SH3RF3: variants seen among roughly 807,000 people sequenced by gnomAD.
SH3RF3 encodes SH3 domain containing ring finger 3.
SH3RF3 carries 29 observed loss-of-function variants against 66.3 expected under a neutral mutation model. That is an observed-to-expected ratio of 0.44 (90% CI 0.33 to 0.60). The LOEUF (loss-of-function observed/expected upper bound fraction) is 0.60, where lower values mean the gene tolerates loss of function less well. Ranked by LOEUF, SH3RF3 falls within the 20% of genes least tolerant of loss-of-function variation. SH3RF3 has a pLI of 0.04. For synonymous variants in SH3RF3, 583 were observed against 532.0 expected, an observed-to-expected ratio of 1.10 and a Z score of -1.32; for missense variants, 1,194 against 1,190.9, an observed-to-expected ratio of 1.00 and a Z score of -0.04.
chr2:109,181,735 C>T (rs1034614123), intron 1 of SH3RF3, among the ~76,000 whole-genome samples: 3 of 152,174 alleles, frequency 2.0e-5, no homozygotes, highest in Admixed American at 6.5e-5. Flanking sequence ...CTTCTCCAGC[C>T]ATGGTAGTGG....
intron 1 of SH3RF3, among the ~76,000 whole-genome samples, chr2:109,188,617 T>C (rs752913902): frequency 6.6e-6 from 1 of 152,086 alleles, no homozygotes; most frequent in Non-Finnish European, 1.5e-5. Context: ...TTGCCTATGG[T>C]GAGGGTGCAG....
chr2:109,484,049 T>G (rs1678903027), intron 8 of SH3RF3, among the ~76,000 whole-genome samples: 1 of 147,072 alleles, frequency 6.8e-6, no homozygotes, highest in African/African-American at 2.5e-5. Context: ...CACCAAGGTG[T>G]GCCATCCTCT....
At chr2:109,191,677 G>A (rs961919944) in intron 1 of SH3RF3, among the ~76,000 whole-genome samples, 1 of 152,156 alleles carries the variant, frequency 6.6e-6, no homozygotes, top group Non-Finnish European at 1.5e-5. Context: ...CAGTATAGCT[G>A]GGTGGTGTGA....
chr2:109,215,154 T>TTC (rs752904795), intron 1 of SH3RF3, among the ~76,000 whole-genome samples: 6 of 152,180 alleles, frequency 3.9e-5, no homozygotes, highest in Non-Finnish European at 8.8e-5. Context: ...CTTTCTGTGT[T>TTC]TCTCTCTCTC....
chr2:109,261,272 G>A (rs147856262), intron 1 of SH3RF3, among the ~76,000 whole-genome samples: 1 of 152,300 alleles, frequency 6.6e-6, no homozygotes, highest in African/African-American at 2.4e-5. Context: ...AAGCAATGAT[G>A]TGGAGGTGAT....
chr2:109,227,407 C>G (rs1433851200), intron 1 of SH3RF3, among the ~76,000 whole-genome samples: 1 of 152,174 alleles, frequency 6.6e-6, no homozygotes, highest in Non-Finnish European at 1.5e-5. Flanking sequence ...ACCAGCTGTT[C>G]TTCTTACTAA....
At chr2:109,194,264 C>G (rs1464912658) in intron 1 of SH3RF3, among the ~76,000 whole-genome samples, 2 of 152,310 alleles carry the variant, frequency 1.3e-5, no homozygotes, top group East Asian at 3.9e-4. Flanking sequence ...CAGGTGGATT[C>G]GTAACACAGA....
chr2:109,329,784 C>T (rs1272714626), intron 1 of SH3RF3, among the ~76,000 whole-genome samples: 2 of 152,154 alleles, frequency 1.3e-5, no homozygotes, highest in African/African-American at 4.8e-5. Context: ...TTACATAGGC[C>T]CAGCCTCACT....
intron 6 of SH3RF3, among the ~76,000 whole-genome samples, chr2:109,435,011 T>A (rs2104579284): frequency 6.6e-6 from 1 of 152,210 alleles, no homozygotes; most frequent in South Asian, 2.1e-4. Flanking sequence ...GCTGTGCACC[T>A]CATGGTTGCT....
intron 1 of SH3RF3, among the ~76,000 whole-genome samples, chr2:109,341,638 C>T (rs527475419): frequency 7.6e-4 from 116 of 152,286 alleles, no homozygotes; most frequent in Admixed American, 1.2e-3. Context: ...GGGGTGTGTT[C>T]TGCAAGGTCA....
intron 1 of SH3RF3, among the ~76,000 whole-genome samples, chr2:109,165,569 CA>C (rs1677600594): frequency 6.6e-6 from 1 of 152,150 alleles, no homozygotes; most frequent in African/African-American, 2.4e-5. Context: ...ACTGTGTGGC[CA>C]GCAAAACCCA....
In SH3RF3 at chr2:109,240,492, A is replaced by G. The variant is rs530825329; in HGVS notation, c.574-107182A>G. ...GACAAACAAAAAAACAAACAAACAA[A>G]ATACAAACAACAAAAACTAAAACCA... On this transcript the variant is annotated intron_variant, in intron 1 of 9. Coordinates refer to ENST00000309415, the MANE Select transcript of SH3RF3 (RefSeq NM_001099289.3). Among the ~76,000 whole-genome samples, 52 of 152,214 alleles carry G rather than the reference A, an allele frequency of 3.4e-4. 1 individual carries two copies. In the South Asian group the frequency reaches 0.011, roughly 32 times the overall value.
intron 1 of SH3RF3, among the ~76,000 whole-genome samples, chr2:109,246,359 G>C (rs1016558138): frequency 3.3e-5 from 5 of 152,186 alleles, no homozygotes; most frequent in South Asian, 2.1e-4. Context: ...CCATGGTAGA[G>C]GGGGCAAGGC....
At chr2:109,156,645 C>G (rs946018866) in intron 1 of SH3RF3, among the ~76,000 whole-genome samples, 1 of 152,108 alleles carries the variant, frequency 6.6e-6, no homozygotes, top group Non-Finnish European at 1.5e-5. Flanking sequence ...GGGGTTTCAC[C>G]ATGTTGGCCA....
At chr2:109,459,828 C>T (rs1272441677) in intron 8 of SH3RF3, among the ~76,000 whole-genome samples, 2 of 152,268 alleles carry the variant, frequency 1.3e-5, no homozygotes, top group South Asian at 2.1e-4. Context: ...AGACATTTTG[C>T]TAGTGGGTTA....
At chr2:109,459,543 C>T (rs1461374879) in intron 8 of SH3RF3, among the ~76,000 whole-genome samples, 2 of 152,136 alleles carry the variant, frequency 1.3e-5, no homozygotes, top group African/African-American at 4.8e-5. Context: ...AGGAGACACC[C>T]CAAGGGATCT....
intron 8 of SH3RF3, among the ~76,000 whole-genome samples, chr2:109,452,432 CAGTG>C (rs752983918): frequency 5.3e-5 from 8 of 152,350 alleles, no homozygotes; most frequent in Non-Finnish European, 1.0e-4. Context: ...TGGGAAAAGA[CAGTG>C]AGCTCCTCAC....
intron 1 of SH3RF3, among the ~76,000 whole-genome samples, chr2:109,268,638 A>G (rs1680556095): frequency 6.6e-6 from 1 of 152,228 alleles, no homozygotes; most frequent in Admixed American, 6.5e-5. Flanking sequence ...CAGAAGCGAT[A>G]CACATTCAGT....
At position 109,132,431 on chromosome 2, in the gene SH3RF3, G is replaced by A. The variant is rs569351815; in HGVS notation, c.573+2318G>A. Among the ~76,000 whole-genome samples the A allele has an allele frequency of 2.0e-5, 3 of 152,232 alleles. No homozygotes were observed. The South Asian group carries it at 6.2e-4, about 32-fold the overall frequency. On this transcript the variant is annotated intron_variant, in intron 1 of 9. Coordinates refer to ENST00000309415, the MANE Select transcript of SH3RF3 (RefSeq NM_001099289.3). ...TTACCTGTTGTTTTTCATCGGTTTTGGTGATCACCAGAGTACTTGGAGTCC... is the reference window on the plus strand; with the variant it reads ...TTACCTGTTGTTTTTCATCGGTTTTAGTGATCACCAGAGTACTTGGAGTCC...
Sources: gnomAD v4.1 joint callset for allele counts (sites outside exome capture counted in the v4.1 genomes callset) on GRCh38, gnomAD v4.1.1 for gene constraint, MANE v1.5 for transcripts, NCBI Gene and HGNC (gene_info 2026-07-23, HGNC 2026-07-21) for gene names.